DENND1A: variants seen among roughly 807,000 people sequenced by gnomAD.
The protein encoded by DENND1A is DENN domain-containing protein 1A.
Under a neutral mutation model 113.7 loss-of-function variants are expected in DENND1A, and 51 were observed. The ratio of observed to expected loss-of-function variants is 0.45; its 90% CI spans 0.36 to 0.57. The LOEUF is 0.57. Among genes scored for constraint, DENND1A ranks in the 20% least tolerant of loss-of-function variants. The probability of loss-of-function intolerance (pLI) is 0.00; values close to 1 mark genes in which losing one functional copy is unlikely to be tolerated. For synonymous variants in DENND1A, 565 were observed against 570.8 expected (o/e 0.99, Z 0.14); for missense variants, 1,258 against 1,395.9 (o/e 0.90, Z 1.57).
intron 13 of DENND1A, among the ~76,000 whole-genome samples, chr9:123,479,614 C>T (rs1000530626): frequency 8.5e-5 from 13 of 152,336 alleles, no homozygotes; most frequent in Admixed American, 4.6e-4. Context: ...TACTGAAACA[C>T]GTAGGGACTG....
At chr9:123,856,403 C>G (rs1306118818) in intron 2 of DENND1A, among the ~76,000 whole-genome samples, 2 of 152,000 alleles carry the variant, frequency 1.3e-5, no homozygotes, top group Non-Finnish European at 2.9e-5. Context: ...GGAGAGTGAA[C>G]TAGTGTGGGG....
intron 13 of DENND1A, among the ~76,000 whole-genome samples, chr9:123,556,579 A>T (rs1232185795): frequency 6.6e-6 from 1 of 152,224 alleles, no homozygotes; most frequent in South Asian, 2.1e-4. Context: ...AATAGAAACA[A>T]ACAGCCCCGG....
At chr9:123,435,613 AT>A (rs1210588022) in intron 19 of DENND1A, among the ~76,000 whole-genome samples, 1 of 152,232 alleles carries the variant, frequency 6.6e-6, no homozygotes, top group African/African-American at 2.4e-5. Flanking sequence ...CAGATCAGTC[AT>A]TTGGAGGAAA....
rs1268815225 is a variant in DENND1A, at chr9:123,440,459, T to C, written c.1389A>G (p.Pro463=). The C allele has an allele frequency of 6.4e-7, 1 of 1,572,594 alleles. No homozygotes were observed. Among genetic ancestry groups the C allele is most frequent in the African/African-American group, 1.4e-5 (1 of 70,988 alleles). ...DIAENGCAPT[P]EEQLPKTAPS... is the part of the protein sequence containing the mutation. ...GTGCAGTCTTTGGCAGCTGCTCTTC[T>C]GGGGTGGGGGCGCAGCCATTCTCGG... The change falls in exon 19 of 24, where the codon CCA becomes CCG. Residue 463 remains proline, a synonymous_variant. Coordinates refer to ENST00000394215, the MANE Select transcript of DENND1A (RefSeq NM_001352964.2).
At chr9:123,911,399 A>T (rs190653317) in intron 1 of DENND1A, among the ~76,000 whole-genome samples, 27 of 152,370 alleles carry the variant, frequency 1.8e-4, no homozygotes, top group Admixed American at 1.3e-3. Flanking sequence ...ATTTTGAACA[A>T]GCAATTCCAA....
intron 9 of DENND1A, among the ~76,000 whole-genome samples, chr9:123,641,816 C>A (rs906051633): frequency 3.3e-5 from 5 of 152,142 alleles, no homozygotes; most frequent in African/African-American, 1.2e-4. Context: ...ATCCGGGGAA[C>A]CTCAAAAAAT....
rs141833697 is a variant in DENND1A, at chr9:123,620,424, A to G, written c.719+9952T>C. ...TGGTGCCAGGCTCCTCATGTACAGC[A>G]ATGTTTTTAGCTATCTCCCTGGCAA... On this transcript the variant is annotated intron_variant, in intron 10 of 23. Transcript: ENST00000394215. Among the ~76,000 whole-genome samples, 754 of 152,098 alleles carry G rather than the reference A, an allele frequency of 5.0e-3. 4 individuals are homozygous for G. The highest frequency in any genetic ancestry group is 0.018 in the African/African-American group (726 of 41,470).
chr9:123,438,149 C>G (rs1316052404), intron 19 of DENND1A, among the ~76,000 whole-genome samples: 1 of 152,160 alleles, frequency 6.6e-6, no homozygotes, highest in African/African-American at 2.4e-5. Context: ...CTCATGCCTG[C>G]CGGTAGTAGG....
chr9:123,681,230 G>T (rs932093267), intron 5 of DENND1A, among the ~76,000 whole-genome samples: 55 of 148,192 alleles, frequency 3.7e-4, no homozygotes, highest in African/African-American at 1.3e-3. Flanking sequence ...ACCAGCAATG[G>T]TATTAGAACC....
intron 15 of DENND1A, among the ~76,000 whole-genome samples, chr9:123,456,054 G>GT (rs1301035997): frequency 2.6e-5 from 4 of 152,326 alleles, no homozygotes; most frequent in Non-Finnish European, 5.9e-5. Flanking sequence ...GACCTAGCAG[G>GT]TGTTCAGGAA....
chr9:123,648,297 G>C (rs1474766567), intron 9 of DENND1A, among the ~76,000 whole-genome samples: 2 of 152,182 alleles, frequency 1.3e-5, no homozygotes, highest in Non-Finnish European at 2.9e-5. Context: ...GGCTGTTCTT[G>C]AACTCCTGGC....
chr9:123,426,426 T>C (rs2045739007), intron 19 of DENND1A, among the ~76,000 whole-genome samples: 1 of 152,142 alleles, frequency 6.6e-6, no homozygotes, highest in Admixed American at 6.5e-5. Flanking sequence ...TTCTAGTAGC[T>C]GAAGCTTGTG....
At chr9:123,731,579 A>G (rs1189645594) in intron 5 of DENND1A, among the ~76,000 whole-genome samples, 4 of 152,252 alleles carry the variant, frequency 2.6e-5, no homozygotes, top group Non-Finnish European at 5.9e-5. Context: ...CTCTAAATGG[A>G]TCACAGACCT....
chr9:123,912,155 AATGAT>A (rs1854110159), intron 1 of DENND1A, among the ~76,000 whole-genome samples: 1 of 152,230 alleles, frequency 6.6e-6, no homozygotes, highest in South Asian at 2.1e-4. Context: ...ACTGTATGTA[AATGAT>A]ATAACAGCAA....
At chr9:123,388,851 C>G (rs376131218) in intron 21 of DENND1A, among the ~76,000 whole-genome samples, 2 of 152,216 alleles carry the variant, frequency 1.3e-5, no homozygotes, top group Non-Finnish European at 2.9e-5. Context: ...GTGCACCCCA[C>G]CAAGAGGCAC....
At chr9:123,878,322 C>G (rs1193513626) in intron 2 of DENND1A, among the ~76,000 whole-genome samples, 2 of 151,776 alleles carry the variant, frequency 1.3e-5, no homozygotes, top group Non-Finnish European at 2.9e-5. Flanking sequence ...AACACTAGAT[C>G]ATAAGGTTAT....
At chr9:123,485,318 T>G (rs987028401) in intron 13 of DENND1A, among the ~76,000 whole-genome samples, 5 of 152,166 alleles carry the variant, frequency 3.3e-5, no homozygotes, top group African/African-American at 1.2e-4. Flanking sequence ...GGGCAATAAT[T>G]AAAGGCTTCA....
rs185448473 is a variant in DENND1A, at chr9:123,498,867, C to T, written c.994-40970G>A. On this transcript the variant is annotated intron_variant, in intron 13 of 23. Coordinates refer to ENST00000394215, the MANE Select transcript of DENND1A (RefSeq NM_001352964.2). ...CCTCTCCAGTAGCTGGGATTACAGG[C>T]ACACACCCCCATGCCTGGCTAGTTT... 5.5e-4 allele frequency among the ~76,000 whole-genome samples: 84 copies of T among 152,192 alleles called. No individual in the cohort carries two copies. In the East Asian group the frequency reaches 0.015, roughly 28 times the overall value.
chr9:123,756,547 C>T (rs746718908), intron 5 of DENND1A, among the ~76,000 whole-genome samples: 67 of 152,176 alleles, frequency 4.4e-4, no homozygotes, highest in Non-Finnish European at 7.2e-4. Flanking sequence ...CAGCAGTCAT[C>T]CTCCTGTGCC....
Sources: allele counts gnomAD v4.1 joint callset (sites outside exome capture counted in the v4.1 genomes callset), GRCh38; gene constraint gnomAD v4.1.1; transcripts MANE v1.5; gene names NCBI Gene and HGNC (gene_info 2026-07-23, HGNC 2026-07-21).